The following POLRMT variants were observed in gnomAD, a reference collection of about 807,000 sequenced individuals.
POLRMT encodes RNA polymerase mitochondrial.
POLRMT carries 114 observed loss-of-function variants against 132.2 expected under a neutral mutation model. The ratio of observed to expected loss-of-function variants is 0.86; its 90% CI spans 0.74 to 1.01. The LOEUF is 1.01. Ranked by LOEUF, POLRMT falls within the 50% of genes least tolerant of loss-of-function variation. The probability of loss-of-function intolerance (pLI) is 0.00; values close to 1 mark genes in which losing one functional copy is unlikely to be tolerated. For synonymous variants in POLRMT, 1,020 were observed against 773.4 expected, an observed-to-expected ratio of 1.32 and a Z score of -5.29; for missense variants, 2,003 against 1,729.1, an observed-to-expected ratio of 1.16 and a Z score of -2.81.
intron 3 of POLRMT, among the ~76,000 whole-genome samples, chr19:626,057 T>G (rs2144661692): frequency 6.6e-6 from 1 of 152,224 alleles, no homozygotes; most frequent in African/African-American, 2.4e-5. Context: ...GAGCACTGTG[T>G]CAGCTGCATC....
chr19:631,337 A>AG (rs1985399181), intron 2 of POLRMT, among the ~76,000 whole-genome samples: 19 of 109,062 alleles, frequency 1.7e-4, no homozygotes, highest in African/African-American at 3.6e-4. Flanking sequence ...CAAAAAAAAA[A>AG]AGGGGGGGGG....
chr19:623,452 A>G lies in POLRMT; in HGVS notation c.1290+2T>C. ...GACACGGGACCCCGGCTCAGCCCCTACCGCGTGCTTGACCTCCTTGCTTGG... is the reference window on the plus strand; with the variant it reads ...GACACGGGACCCCGGCTCAGCCCCTGCCGCGTGCTTGACCTCCTTGCTTGG... On this transcript the variant is annotated splice_donor_variant, in intron 6 of 20. Transcript: ENST00000588649. LOFTEE classifies it high-confidence loss of function. 3.7e-6 allele frequency: 6 copies of G among 1,610,762 alleles called. No homozygotes were observed. Among genetic ancestry groups the G allele is most frequent in the Non-Finnish European group, 4.2e-6 (5 of 1,179,738 alleles).
intron 3 of POLRMT, among the ~76,000 whole-genome samples, chr19:626,705 A>AAAAAAG (rs1197695988): frequency 6.7e-6 from 1 of 148,574 alleles, no homozygotes; most frequent in Non-Finnish European, 1.5e-5. Context: ...ACAAAAAAAA[A>AAAAAAG]AAAAAATTAG....
intron 17 of POLRMT, chr19:618,090 T>C (rs1984153992): frequency 5.2e-6 from 3 of 575,870 alleles, no homozygotes; most frequent in South Asian, 2.0e-5. Flanking sequence ...CACGCTGCTG[T>C]GGGAGCCTCA....
At chr19:622,514 G>A in intron 8 of POLRMT, 68 bp downstream of exon 8, 1 of 1,508,470 alleles carries the variant, frequency 6.6e-7, no homozygotes, top group Non-Finnish European at 8.9e-7. Flanking sequence ...AAACCCGGCT[G>A]CTCCAGGGAG....
intron 3 of POLRMT, among the ~76,000 whole-genome samples, chr19:628,245 T>G (rs374794503): frequency 1.3e-4 from 20 of 152,154 alleles, no homozygotes; most frequent in African/African-American, 4.3e-4. Context: ...TTGGGACACT[T>G]TCGTAGGGGC....
chr19:621,786 T>C lies in POLRMT; in HGVS notation c.1912A>G (p.Thr638Ala). 6.2e-7 allele frequency: 1 copy of C among 1,602,244 alleles called. No homozygotes were observed. The highest frequency in any genetic ancestry group is 8.5e-7 in the Non-Finnish European group (1 of 1,179,828). ...ACATCCACCGCCTCGAAGGTCAGCG[T>C]GGGCTCCGCGGCCTTCTCCAGCAGC... ...VQLLEKAAEPTLTFEAVDVPM... is the reference protein window; with the variant it reads ...VQLLEKAAEPALTFEAVDVPM... The change falls in exon 10 of 21, where the codon ACG (threonine) becomes GCG (alanine). Residue 638 changes from threonine (T) to alanine (A), a missense_variant. Transcript: ENST00000588649.
chr19:617,433 GCCT>G lies in POLRMT; in HGVS notation c.3626_3628del (p.Gln1209_Ala1210delinsPro). The G allele has an allele frequency of 6.2e-7, 1 of 1,611,948 alleles. No individual in the cohort carries two copies. The highest frequency in any genetic ancestry group is 8.5e-7 in the Non-Finnish European group (1 of 1,179,724). On this transcript the variant is annotated inframe_deletion, in exon 20 of 21. Transcript: ENST00000588649. ...CACCCGCCTACCTGGCTTGGGCACCGCCTGCAGTGTCTCCTTCAGCTGGCTGGC... is the reference window on the plus strand; with the variant it reads ...CACCCGCCTACCTGGCTTGGGCACCGGCAGTGTCTCCTTCAGCTGGCTGGC...
rs767670996 is a variant in POLRMT, at chr19:624,702, G to A, written c.1140+17C>T. On this transcript the variant is annotated intron_variant, in intron 5 of 20. Transcript: ENST00000588649. The stretch of plus-strand genomic sequence containing the variant: ...AGCTATAAGGACTGAAGTCTGCCGG[G>A]GCCCACGTGGGCTCACCTTGGCATA... 4.4e-6 allele frequency: 7 copies of A among 1,606,756 alleles called. No homozygotes were observed. In the African/African-American group the frequency reaches 6.7e-5, roughly 15 times the overall value.
chr19:624,869 C>A lies in POLRMT; in HGVS notation c.990G>T (p.Leu330=). The A allele has an allele frequency of 6.2e-7, 1 of 1,612,824 alleles. No individual in the cohort carries two copies. The highest frequency in any genetic ancestry group is 8.5e-7 in the Non-Finnish European group (1 of 1,179,760). The stretch of plus-strand genomic sequence containing the variant: ...GCAGAACGGCGGTGAAGAGTGCCTG[C>A]AGCTTCAGCCCCTCCTGGCTCATCT... ...LEQMSQEGLK[L]QALFTAVLLS... Residue 330 remains leucine, a synonymous_variant, in exon 5 of 21, where the codon CTG becomes CTT. Transcript: ENST00000588649.
intron 9 of POLRMT, 121 bp from the exon 10 acceptor site, chr19:621,967 C>T (rs901863220): frequency 7.8e-7 from 1 of 1,289,274 alleles, no homozygotes; most frequent in South Asian, 1.5e-5. Flanking sequence ...TGGCCTCCCA[C>T]GAACAGAAGC....
rs370155132 is a variant in POLRMT, at chr19:617,673, G to A, written c.3496-18C>T. The A allele has an allele frequency of 8.7e-6, 14 of 1,612,380 alleles. No individual in the cohort carries two copies. In the East Asian group the frequency reaches 2.0e-4, roughly 23 times the overall value. On this transcript the variant is annotated intron_variant, in intron 18 of 20. Coordinates refer to ENST00000588649, the MANE Select transcript of POLRMT (RefSeq NM_005035.4). ...CGGCACACCTGGGCAGGAGTCAGAG[G>A]ATCCCCAGGGGTGATCAGGCAGGCT...
chr19:627,943 AAGAT>A (rs931067127), intron 3 of POLRMT, among the ~76,000 whole-genome samples: 12 of 149,592 alleles, frequency 8.0e-5, no homozygotes, highest in African/African-American at 2.2e-4. Flanking sequence ...AAAAAAAAAA[AAGAT>A]AGAAGCAATG....
At chr19:625,548 G>C in intron 3 of POLRMT, 1 of 339,580 alleles carries the variant, frequency 2.9e-6, no homozygotes, top group Non-Finnish European at 5.4e-6. Flanking sequence ...TCAAAGGACT[G>C]ACTTGGCTTG....
chr19:619,842 C>CGCCCCA, intron 12 of POLRMT, 77 bp from the exon 13 acceptor site: 1 of 1,553,210 alleles, frequency 6.4e-7, no homozygotes, highest in Non-Finnish European at 8.7e-7. Flanking sequence ...ATGAAGCCCC[C>CGCCCCA]GCCCCAGCCC....
chr19:627,129 G>C (rs1001381060), intron 3 of POLRMT, among the ~76,000 whole-genome samples: 1 of 148,770 alleles, frequency 6.7e-6, no homozygotes, highest in Non-Finnish European at 1.5e-5. Context: ...CCAGAGACCA[G>C]AGACATGAGT....
At position 622,580 on chromosome 19, in the gene POLRMT, AC is replaced by A. The variant is rs768166167; in HGVS notation, c.1626+1del. On this transcript the variant is annotated splice_donor_variant, in intron 8 of 20. Coordinates refer to ENST00000588649, the MANE Select transcript of POLRMT (RefSeq NM_005035.4). LOFTEE classifies it high-confidence loss of function. ...CAGGAGGAGAGGGGGTGCGAGCCTCACCTCGGCGTCGGAGGCCAGCAAGCAG... is the reference window on the plus strand; with the variant it reads ...CAGGAGGAGAGGGGGTGCGAGCCTCACTCGGCGTCGGAGGCCAGCAAGCAG... 1 of 1,597,092 alleles carries A rather than the reference AC, an allele frequency of 6.3e-7. No homozygotes were observed. Among genetic ancestry groups the A allele is most frequent in the Non-Finnish European group, 8.5e-7 (1 of 1,171,552 alleles).
chr19:624,742 G>A lies in POLRMT; in HGVS notation c.1117C>T (p.Leu373=). The part of the protein sequence containing the change: ...QLPPPVNTSK[L]LRDVYAKDGR... The stretch of plus-strand genomic sequence containing the variant: ...ACCTTGGCATACACGTCCCTGAGCA[G>A]CTTGGAGGTGTTGACCGGGGGCGGC... The change falls in exon 5 of 21, where the codon CTG becomes TTG. Residue 373 remains leucine (L), a synonymous_variant. Coordinates refer to ENST00000588649, the MANE Select transcript of POLRMT (RefSeq NM_005035.4). The A allele has an allele frequency of 6.2e-7, 1 of 1,613,830 alleles. No individual in the cohort carries two copies.
rs759825227 is a variant in POLRMT at position 621,151 on chromosome 19, C to G, written c.2547G>C (p.Thr849=). 4.3e-6 allele frequency: 7 copies of G among 1,610,908 alleles called. No individual in the cohort carries two copies. Among genetic ancestry groups the G allele is most frequent in the Non-Finnish European group, 5.9e-6 (7 of 1,178,770 alleles). Residue 849 remains threonine, a synonymous_variant, in exon 10 of 21, where the codon ACG becomes ACC. Transcript: ENST00000588649. The part of the protein sequence containing the change: ...DWLKIHLVNL[T]GLKKREPLRK... Reference sequence around the variant, plus strand: ...GCAGCGGCTCCCGCTTCTTCAACCCCGTGAGATTGACCAGGTGGATCTTGA... The same window carrying G: ...GCAGCGGCTCCCGCTTCTTCAACCCGGTGAGATTGACCAGGTGGATCTTGA...
Sources: gnomAD v4.1 joint callset for allele counts (sites outside exome capture counted in the v4.1 genomes callset) on GRCh38, gnomAD v4.1.1 for gene constraint, MANE v1.5 for transcripts, NCBI Gene and HGNC (gene_info 2026-07-23, HGNC 2026-07-21) for gene names.